The following MADD variants were observed in gnomAD, a reference collection of about 807,000 sequenced individuals.
MADD encodes MAP kinase-activating death domain protein.
In MADD, 109 loss-of-function variants were observed where a neutral mutation model predicts 176.7. That is an observed-to-expected ratio of 0.62 (90% CI 0.53 to 0.72). The LOEUF (loss-of-function observed/expected upper bound fraction) is 0.72. Among genes scored for constraint, MADD ranks in the 30% least tolerant of loss-of-function variants. The pLI, the probability that MADD is intolerant of heterozygous loss-of-function variation, is 0.00. For synonymous variants in MADD, 771 were observed against 771.3 expected (o/e 1.00, Z 0.01); for missense variants, 1,914 against 2,045.5 (o/e 0.94, Z 1.24).
chr11:47,316,153 G>A (rs1199695527), intron 27 of MADD, among the ~76,000 whole-genome samples: 2 of 133,222 alleles, frequency 1.5e-5, no homozygotes, highest in Non-Finnish European at 3.1e-5. Flanking sequence ...TTTTATACAC[G>A]TGCGCGCGCA....
At chr11:47,297,885 T>C (rs1460398465) in intron 22 of MADD, among the ~76,000 whole-genome samples, 1 of 149,260 alleles carries the variant, frequency 6.7e-6, no homozygotes, top group Non-Finnish European at 1.5e-5. Context: ...ACCTCCCAGG[T>C]TCACACCATT....
intron 22 of MADD, among the ~76,000 whole-genome samples, chr11:47,307,500 T>C (rs1436803708): frequency 6.6e-6 from 1 of 152,168 alleles, no homozygotes; most frequent in Non-Finnish European, 1.5e-5. Context: ...TTTAGTAAAA[T>C]ATTGGGCTGT....
At chr11:47,284,320 G>T (rs752811046) in intron 11 of MADD, 39 bp downstream of exon 11, 4 of 1,613,078 alleles carry the variant, frequency 2.5e-6, no homozygotes, top group Non-Finnish European at 3.4e-6. Context: ...CCTGGGCAGG[G>T]GTTGGGGGCC....
rs773640972 is a variant in MADD, at chr11:47,284,497, C to G, written c.2089C>G (p.Pro697Ala). The stretch of plus-strand genomic sequence containing the variant: ...CAGTGAGAACTCTCAGGAAAACCCC[C>G]CACTGCGCTCCAGCTCTAGCACCAC... Residue 697 changes from proline to alanine, a missense_variant, in exon 12 of 33, where the codon CCA (proline) becomes GCA (alanine). This residue lies in a region of MADD where 1,767 missense variants were observed against 1,836.0 expected (regional missense o/e 0.96). Transcript: ENST00000402192. The G allele has an allele frequency of 3.1e-6, 5 of 1,614,004 alleles. No individual in the cohort carries two copies. In the South Asian group the frequency reaches 3.3e-5, roughly 11 times the overall value.
chr11:47,311,059 T>A (rs1243891527), intron 25 of MADD, among the ~76,000 whole-genome samples: 1 of 152,192 alleles, frequency 6.6e-6, no homozygotes, highest in Non-Finnish European at 1.5e-5. Flanking sequence ...TTTATAGCTG[T>A]GGAAGAAGTA....
At chr11:47,323,009 G>T (rs1248637660) in intron 27 of MADD, among the ~76,000 whole-genome samples, 1 of 152,122 alleles carries the variant, frequency 6.6e-6, no homozygotes, top group Non-Finnish European at 1.5e-5. Context: ...AGGCCAAGAC[G>T]GGTGTATCAC....
chr11:47,281,458 CT>C, intron 7 of MADD, 116 bp from the exon 8 acceptor site: 1 of 744,156 alleles, frequency 1.3e-6, no homozygotes, highest in Non-Finnish European at 2.0e-6. Flanking sequence ...TGTTGCAGAA[CT>C]TTTTGACCAG....
At chr11:47,295,497 G>A (rs796994553) in exon 21 of MADD, 4 of 1,612,610 alleles carry the variant, frequency 2.5e-6, no homozygotes, top group Non-Finnish European at 3.4e-6. Context: ...TTGTTTCAGA[G>A]GACTGATCAA....
At chr11:47,328,801 G>T (rs1379012389) in intron 32 of MADD, 97 bp downstream of exon 36, 3 of 1,506,266 alleles carry the variant, frequency 2.0e-6, no homozygotes, top group African/African-American at 2.8e-5. Flanking sequence ...GCGCACAGGG[G>T]TGAGTGGGGA....
chr11:47,329,158 G>GT, exon 33 of MADD: 1 of 1,608,084 alleles, frequency 6.2e-7, no homozygotes, highest in South Asian at 1.1e-5. Context: ...TGATGGAGAG[G>GT]GGCTACGCAG....
At chr11:47,306,978 TC>T (rs1392979566) in intron 22 of MADD, among the ~76,000 whole-genome samples, 2 of 152,100 alleles carry the variant, frequency 1.3e-5, no homozygotes, top group African/African-American at 4.8e-5. Context: ...CATGGCTTAC[TC>T]CAGCCTCAAA....
rs2070346956 is a variant in MADD at position 47,295,353 on chromosome 11, T to A, written c.3403-143T>A. 7 of 640,944 alleles carry A rather than the reference T, an allele frequency of 1.1e-5. No homozygotes were observed. The South Asian group carries it at 1.4e-4, about 13-fold the overall frequency. 39.7% of individuals were successfully genotyped at this position (640,944 alleles called of 1,614,324 possible). Reference sequence around the variant, plus strand: ...TACATAAGTTGTACATATTTTATATTCTGGAAACAAAAGTTGCTCGTGACT... The same window carrying A: ...TACATAAGTTGTACATATTTTATATACTGGAAACAAAAGTTGCTCGTGACT... On this transcript the variant is annotated intron_variant, in intron 20 of 32. Transcript: ENST00000402192.
rs933734180 is a variant in MADD at position 47,271,111 on chromosome 11, C to A, written c.-89+865C>A. The A allele has an allele frequency of 4.6e-5, 7 of 152,348 alleles. No homozygotes were observed. The East Asian group carries it at 9.6e-4, about 21-fold the overall frequency. 9.4% of individuals were successfully genotyped at this position (152,348 alleles called of 1,614,324 possible). ...TGGAGCTGATGGTGATGTCGGACTTCAGCAGATAGATATGCATTTTGAGCT... is the reference window on the plus strand; with the variant it reads ...TGGAGCTGATGGTGATGTCGGACTTAAGCAGATAGATATGCATTTTGAGCT... On this transcript the variant is annotated intron_variant, in intron 1 of 32. Transcript: ENST00000402192.
chr11:47,328,227 G>A (rs2095666453), intron 31 of MADD: 4 of 1,073,230 alleles, frequency 3.7e-6, no homozygotes, highest in South Asian at 3.1e-5. Context: ...GGCTGGTGAC[G>A]AGTTCACGGG....
At chr11:47,286,001 A>G (rs2060360087) in intron 14 of MADD, among the ~76,000 whole-genome samples, 4 of 152,220 alleles carry the variant, frequency 2.6e-5, no homozygotes, top group South Asian at 4.1e-4. Context: ...TTGTGCTTAG[A>G]TAGTATTCCC....
At chr11:47,296,606 T>C (rs749067) in intron 22 of MADD, among the ~76,000 whole-genome samples, 39,783 of 152,038 alleles carry the variant, frequency 0.26, 6,801 homozygotes, top group Non-Finnish European at 0.39. Context: ...CTCAAGAAGT[T>C]TGTGATTCAC....
exon 5 of MADD, chr11:47,276,824 C>T: frequency 6.2e-7 from 1 of 1,614,174 alleles, no homozygotes; most frequent in Non-Finnish European, 8.5e-7. Context: ...TGTTTCCTGT[C>T]ATCCCGCTGC....
chr11:47,283,923 G>A (rs2058872982), intron 10 of MADD, among the ~76,000 whole-genome samples: 1 of 152,224 alleles, frequency 6.6e-6, no homozygotes, highest in Non-Finnish European at 1.5e-5. Flanking sequence ...TGCCAGGCTG[G>A]TCTCAAACTC....
At chr11:47,320,330 C>T (rs2094218510) in intron 27 of MADD, among the ~76,000 whole-genome samples, 1 of 151,834 alleles carries the variant, frequency 6.6e-6, no homozygotes, top group African/African-American at 2.4e-5. Flanking sequence ...GTGGTGGGTG[C>T]TTGTAATCCC....
Sources: allele counts gnomAD v4.1 joint callset (sites outside exome capture counted in the v4.1 genomes callset), GRCh38; gene constraint gnomAD v4.1.1; regional missense constraint gnomAD v4.1.1; transcripts MANE v1.5; gene names NCBI Gene and HGNC (gene_info 2026-07-23, HGNC 2026-07-21).